The following ST6GALNAC3 variants were observed in gnomAD, a reference collection of about 807,000 sequenced individuals.
ST6GALNAC3 encodes the protein alpha-N-acetylgalactosaminide alpha-2,6-sialyltransferase 3.
In ST6GALNAC3, 25 loss-of-function variants were observed where a neutral mutation model predicts 32.7. The ratio of observed to expected loss-of-function variants is 0.76; its 90% CI spans 0.56 to 1.07. The LOEUF (loss-of-function observed/expected upper bound fraction) is 1.07, where lower values mean the gene tolerates loss of function less well. ST6GALNAC3 is among the 50% of genes least tolerant of loss of function. The probability of loss-of-function intolerance (pLI) is 0.00; values close to 1 mark genes in which losing one functional copy is unlikely to be tolerated. For synonymous variants in ST6GALNAC3, 129 were observed against 133.1 expected (o/e 0.97, Z 0.21); for missense variants, 355 against 382.4 (o/e 0.93, Z 0.60).
intron 3 of ST6GALNAC3, among the ~76,000 whole-genome samples, chr1:76,415,136 G>A (rs1654526671): frequency 7.1e-6 from 1 of 141,780 alleles, no homozygotes; most frequent in African/African-American, 2.6e-5. Flanking sequence ...CTGCTACACT[G>A]GTATTTATGT....
At chr1:76,615,853 G>A (rs1358469585) in intron 3 of ST6GALNAC3, among the ~76,000 whole-genome samples, 1 of 152,172 alleles carries the variant, frequency 6.6e-6, no homozygotes, top group African/African-American at 2.4e-5. Context: ...CCAGAGACAT[G>A]TGAAAGTTAT....
intron 3 of ST6GALNAC3, among the ~76,000 whole-genome samples, chr1:76,445,007 G>T (rs527267223): frequency 1.8e-4 from 28 of 152,318 alleles, no homozygotes; most frequent in African/African-American, 6.3e-4. Flanking sequence ...GTACTGACTA[G>T]AAAGTTCTAG....
chr1:76,254,291 A>G (rs1657792905), intron 1 of ST6GALNAC3, among the ~76,000 whole-genome samples: 2 of 152,106 alleles, frequency 1.3e-5, no homozygotes, highest in Admixed American at 1.3e-4. Flanking sequence ...TAAGCTGGAT[A>G]CTGGTGTGCT....
chr1:76,440,644 A>G (rs1656509809), intron 3 of ST6GALNAC3, among the ~76,000 whole-genome samples: 1 of 152,232 alleles, frequency 6.6e-6, no homozygotes, highest in Non-Finnish European at 1.5e-5. Flanking sequence ...AGAGCCTCAT[A>G]AACTATAAAT....
At chr1:76,351,996 A>C (rs1000994839) in intron 2 of ST6GALNAC3, among the ~76,000 whole-genome samples, 2 of 152,204 alleles carry the variant, frequency 1.3e-5, no homozygotes, top group Non-Finnish European at 2.9e-5. Context: ...GAAGGGCCAT[A>C]GTACCTAAGT....
At chr1:76,457,404 T>A (rs1180023035) in intron 3 of ST6GALNAC3, among the ~76,000 whole-genome samples, 1 of 152,124 alleles carries the variant, frequency 6.6e-6, no homozygotes, top group African/African-American at 2.4e-5. Flanking sequence ...AAGTCAATCC[T>A]AAGCCAAAAG....
chr1:76,594,133 ATG>A (rs1647092314), intron 3 of ST6GALNAC3, among the ~76,000 whole-genome samples: 2 of 152,104 alleles, frequency 1.3e-5, no homozygotes, highest in African/African-American at 4.8e-5. Flanking sequence ...TCATATGACT[ATG>A]TGATTTTAGT....
At chr1:76,126,424 T>TTTCCTTCCTTCCTTCCTTCCTTCCTTCC (rs770778690) in intron 1 of ST6GALNAC3, among the ~76,000 whole-genome samples, 6 of 73,370 alleles carry the variant, frequency 8.2e-5, no homozygotes, top group Admixed American at 7.9e-4. Flanking sequence ...CCCTCCTGCC[T>TTTCCTTCCTTCCTTCCTTCCTTCCTTCC]TTCCTTCCTT....
chr1:76,626,144 T>A (rs1334186565), intron 3 of ST6GALNAC3, among the ~76,000 whole-genome samples: 1 of 151,846 alleles, frequency 6.6e-6, no homozygotes, highest in Non-Finnish European at 1.5e-5. Flanking sequence ...TATAGCACAC[T>A]GATGGCTTGG....
chr1:76,328,160 T>C (rs1486621785), intron 2 of ST6GALNAC3, among the ~76,000 whole-genome samples: 1 of 152,190 alleles, frequency 6.6e-6, no homozygotes, highest in South Asian at 2.1e-4. Context: ...TTTAGTCATA[T>C]AATCAATTAC....
At chr1:76,334,712 C>G (rs1231562761) in intron 2 of ST6GALNAC3, among the ~76,000 whole-genome samples, 1 of 152,280 alleles carries the variant, frequency 6.6e-6, no homozygotes, top group East Asian at 1.9e-4. Context: ...CTCCTGTAAA[C>G]ACAGCTGAAA....
intron 1 of ST6GALNAC3, among the ~76,000 whole-genome samples, chr1:76,083,850 T>C (rs945601062): frequency 6.6e-6 from 1 of 152,250 alleles, no homozygotes; most frequent in African/African-American, 2.4e-5. Flanking sequence ...TTCTAAATTT[T>C]TCATCAGAAA....
At chr1:76,619,324 T>C (rs1570464473) in intron 3 of ST6GALNAC3, among the ~76,000 whole-genome samples, 1 of 152,148 alleles carries the variant, frequency 6.6e-6, no homozygotes, top group East Asian at 1.9e-4. Context: ...GTTTCCATTA[T>C]AAATGGAACA....
intron 1 of ST6GALNAC3, among the ~76,000 whole-genome samples, chr1:76,300,570 C>T (rs1301449711): frequency 6.6e-6 from 1 of 151,878 alleles, no homozygotes; most frequent in African/African-American, 2.4e-5. Context: ...TAAGCTGCTG[C>T]CTAAGGACAG....
intron 2 of ST6GALNAC3, among the ~76,000 whole-genome samples, chr1:76,365,969 G>A (rs193068302): frequency 1.3e-5 from 2 of 152,220 alleles, no homozygotes; most frequent in African/African-American, 4.8e-5. Flanking sequence ...ATATGTGTTA[G>A]GTGTGAAGAT....
intron 1 of ST6GALNAC3, among the ~76,000 whole-genome samples, chr1:76,266,031 C>T (rs185357942): frequency 6.6e-6 from 1 of 152,256 alleles, no homozygotes; most frequent in East Asian, 1.9e-4. Context: ...TCATAAATTT[C>T]TGGGTTATGG....
intron 1 of ST6GALNAC3, among the ~76,000 whole-genome samples, chr1:76,246,816 C>T (rs1657290114): frequency 6.6e-6 from 1 of 152,152 alleles, no homozygotes; most frequent in African/African-American, 2.4e-5. Context: ...TCAAATCCAT[C>T]TCATTCTTTG....
At chr1:76,558,529 A>C (rs970483190) in intron 3 of ST6GALNAC3, among the ~76,000 whole-genome samples, 70 of 152,284 alleles carry the variant, frequency 4.6e-4, no homozygotes, top group African/African-American at 1.7e-3. Flanking sequence ...TATAAGTGGG[A>C]GCTAAACATT....
chr1:76,494,437 A>G (rs978923286), intron 3 of ST6GALNAC3, among the ~76,000 whole-genome samples: 3 of 58,290 alleles, frequency 5.1e-5, no homozygotes, highest in African/African-American at 1.0e-4. Context: ...GTGTATATAT[A>G]TATATATATA....
Sources: allele counts gnomAD v4.1 joint callset (sites outside exome capture counted in the v4.1 genomes callset), GRCh38; gene constraint gnomAD v4.1.1; transcripts MANE v1.5; gene names NCBI Gene and HGNC (gene_info 2026-07-23, HGNC 2026-07-21).